The following SRGAP3 variants were observed in gnomAD, a reference collection of about 807,000 sequenced individuals.
The protein encoded by SRGAP3 is SLIT-ROBO Rho GTPase-activating protein 3.
In SRGAP3, 39 loss-of-function variants were observed where a neutral mutation model predicts 121.1. The ratio of observed to expected loss-of-function variants is 0.32; its 90% confidence interval spans 0.25 to 0.42. The LOEUF (loss-of-function observed/expected upper bound fraction) is 0.42. Ranked by LOEUF, SRGAP3 falls within the 10% of genes least tolerant of loss-of-function variation. The pLI is 1.00. For synonymous variants in SRGAP3, 601 were observed against 570.0 expected (o/e 1.05, Z -0.77); for missense variants, 1,213 against 1,470.6 (o/e 0.82, Z 2.86).
intron 3 of SRGAP3, among the ~76,000 whole-genome samples, chr3:9,289,267 C>T (rs973336984): frequency 7.9e-5 from 12 of 152,310 alleles, no homozygotes; most frequent in African/African-American, 2.6e-4. Context: ...TCGAATACTT[C>T]TTTTATATTC....
chr3:9,068,640 CT>C (rs1403093349), intron 4 of SRGAP3, among the ~76,000 whole-genome samples: 18 of 152,208 alleles, frequency 1.2e-4, no homozygotes, highest in Non-Finnish European at 2.2e-4. Flanking sequence ...CCAGAATCCT[CT>C]AGATGTTTCT....
chr3:8,992,929 G>A lies in SRGAP3; in HGVS notation c.2535C>T (p.Tyr845=), dbSNP rs146843771. The change falls in exon 20 of 22, where the codon TAC becomes TAT. Residue 845 remains tyrosine, a synonymous_variant. Coordinates refer to ENST00000383836, the MANE Select transcript of SRGAP3 (RefSeq NM_014850.4). Reference sequence around the variant, plus strand: ...ACCGGCCCATCACCCCCCCAAAGCCGTAATCCGAGATGTGCTCCGTGGGGG... The same window carrying A: ...ACCGGCCCATCACCCCCCCAAAGCCATAATCCGAGATGTGCTCCGTGGGGG... The part of the protein sequence containing the change: ...LQSPTEHISD[Y]GFGGVMGRVR... 7.6e-3 allele frequency: 12,242 copies of A among 1,614,204 alleles called. 70 individuals carry two copies. The highest frequency in any genetic ancestry group is 8.7e-3 in the Non-Finnish European group (10,221 of 1,180,042).
At chr3:9,354,186 T>C (rs376141442) in intron 1 of SRGAP3, among the ~76,000 whole-genome samples, 24 of 152,200 alleles carry the variant, frequency 1.6e-4, no homozygotes, top group Middle Eastern at 3.4e-3. Flanking sequence ...CATAACAAAG[T>C]CCGCAGATAA....
chr3:9,295,045 G>A (rs1281870840), intron 3 of SRGAP3, among the ~76,000 whole-genome samples: 1 of 152,094 alleles, frequency 6.6e-6, no homozygotes, highest in Non-Finnish European at 1.5e-5. Flanking sequence ...CAAAAAGTGA[G>A]GTTTGGGGTT....
chr3:9,043,842 T>C (rs536022708), intron 10 of SRGAP3, among the ~76,000 whole-genome samples: 1 of 152,310 alleles, frequency 6.6e-6, no homozygotes, highest in African/African-American at 2.4e-5. Flanking sequence ...ACACTGTTCA[T>C]TCATGCTTGA....
intron 3 of SRGAP3, among the ~76,000 whole-genome samples, chr3:9,321,213 A>G (rs1955433441): frequency 6.6e-6 from 1 of 151,866 alleles, no homozygotes; most frequent in Non-Finnish European, 1.5e-5. Flanking sequence ...GAGAGTGGAC[A>G]AGCCTTCAGA....
intron 1 of SRGAP3, among the ~76,000 whole-genome samples, chr3:9,227,845 G>C (rs1214652954): frequency 6.6e-6 from 1 of 152,120 alleles, no homozygotes; most frequent in Non-Finnish European, 1.5e-5. Context: ...TCTTGTTGGG[G>C]GAGAGTATCC....
chr3:9,261,391 A>G (rs947346633), intron 3 of SRGAP3, among the ~76,000 whole-genome samples: 11 of 152,060 alleles, frequency 7.2e-5, no homozygotes, highest in African/African-American at 2.7e-4. Context: ...GTGGGTAATA[A>G]CAAACTCCTC....
At chr3:9,036,276 G>C (rs1035429900) in intron 11 of SRGAP3, 1 of 152,202 alleles carries the variant, frequency 6.6e-6, no homozygotes, top group Non-Finnish European at 1.5e-5. Flanking sequence ...GGAGTCCATG[G>C]AAGATACAGA....
intron 2 of SRGAP3, 70 bp downstream of exon 2, chr3:9,124,655 C>A: frequency 6.2e-7 from 1 of 1,602,298 alleles, no homozygotes. Context: ...CTCCTTTCTG[C>A]TTTGCCACCA....
At chr3:9,008,391 C>G (rs1190464467) in intron 18 of SRGAP3, 3 of 152,192 alleles carry the variant, frequency 2.0e-5, no homozygotes, top group Non-Finnish European at 4.4e-5. Flanking sequence ...CCTCAGCCCC[C>G]AGGAAGGCAG....
intron 1 of SRGAP3, among the ~76,000 whole-genome samples, chr3:9,345,711 G>T (rs553341371): frequency 1.4e-5 from 2 of 147,210 alleles, no homozygotes; most frequent in South Asian, 4.3e-4. Flanking sequence ...ACTTGAACAC[G>T]GGAGATGGAG....
chr3:9,200,581 C>A (rs1449503604), intron 1 of SRGAP3, among the ~76,000 whole-genome samples: 1 of 152,140 alleles, frequency 6.6e-6, no homozygotes, highest in Non-Finnish European at 1.5e-5. Flanking sequence ...ACAGCTGAAG[C>A]CAGTTTTGAC....
At chr3:9,202,280 T>A (rs1287548990) in intron 1 of SRGAP3, among the ~76,000 whole-genome samples, 2 of 152,154 alleles carry the variant, frequency 1.3e-5, no homozygotes, top group Admixed American at 6.5e-5. Flanking sequence ...TCTTCCTTGA[T>A]GAAGGAAGAG....
rs548694278 is a variant in SRGAP3 at position 9,152,831 on chromosome 3, C to T, written c.68-27914G>A. ...TATAAAGATTGCCTTCCAGAGGCAG[C>T]CCACATCCACGACTGATCAACATGA... is the stretch of plus-strand genomic sequence containing the variant. On this transcript the variant is annotated intron_variant, in intron 1 of 21. Coordinates refer to ENST00000383836, the MANE Select transcript of SRGAP3 (RefSeq NM_014850.4). 4.0e-3 allele frequency among the ~76,000 whole-genome samples: 588 copies of T among 148,182 alleles called. 3 individuals are homozygous for T. The highest frequency in any genetic ancestry group is 6.1e-3 in the Non-Finnish European group (413 of 67,198).
chr3:9,174,110 C>A (rs1331631606), intron 1 of SRGAP3, among the ~76,000 whole-genome samples: 2 of 152,176 alleles, frequency 1.3e-5, no homozygotes, highest in Non-Finnish European at 2.9e-5. Flanking sequence ...AAGCCAGTCA[C>A]AAAAGGACAA....
chr3:9,351,583 T>C (rs543544002), intron 1 of SRGAP3, among the ~76,000 whole-genome samples: 13 of 152,320 alleles, frequency 8.5e-5, no homozygotes, highest in Middle Eastern at 3.4e-3. Context: ...GGAACAGTCA[T>C]GTGCTGCGTA....
intron 21 of SRGAP3, among the ~76,000 whole-genome samples, chr3:8,989,363 T>A (rs1030096810): frequency 6.6e-6 from 1 of 152,342 alleles, no homozygotes; most frequent in African/African-American, 2.4e-5. Context: ...GGAATGGGCA[T>A]GGGGCCAAAC....
intron 3 of SRGAP3, among the ~76,000 whole-genome samples, chr3:9,255,085 T>C (rs896865768): frequency 1.3e-5 from 2 of 152,192 alleles, no homozygotes; most frequent in Non-Finnish European, 2.9e-5. Context: ...TTGTACAACA[T>C]TGTGAATGGG....
Sources: gnomAD v4.1 joint callset for allele counts (sites outside exome capture counted in the v4.1 genomes callset) on GRCh38, gnomAD v4.1.1 for gene constraint, MANE v1.5 for transcripts, NCBI Gene and HGNC (gene_info 2026-07-23, HGNC 2026-07-21) for gene names.